The following WDR36 variants were observed in gnomAD, a reference collection of about 807,000 sequenced individuals.
The protein encoded by WDR36 is WD repeat-containing protein 36.
WDR36 carries 63 observed loss-of-function variants against 112.7 expected under a neutral mutation model. The observed-to-expected ratio is 0.56, with a 90% confidence interval of 0.46 to 0.69. The LOEUF is 0.69. Among genes scored for constraint, WDR36 ranks in the 30% least tolerant of loss-of-function variants. The pLI, the probability that WDR36 is intolerant of heterozygous loss-of-function variation, is 0.00. For missense variants in WDR36, 1,226 were observed against 1,070.3 expected, an observed-to-expected ratio of 1.15 and a Z score of -2.03; for synonymous variants, 410 against 362.2, an observed-to-expected ratio of 1.13 and a Z score of -1.50.
In WDR36 at chr5:111,113,082, T is replaced by G. The variant is rs756259905; in HGVS notation, c.1725T>G (p.Ser575Arg). 2 of 1,448,164 alleles carry G rather than the reference T, an allele frequency of 1.4e-6. No homozygotes were observed. The highest frequency in any genetic ancestry group is 1.8e-6 in the Non-Finnish European group (2 of 1,084,628). 89.7% of individuals were successfully genotyped at this position (1,448,164 alleles called of 1,614,324 possible). A position where few individuals can be genotyped will look rare whatever the true frequency, so the allele number is the denominator to read the frequency against. Residue 575 changes from serine to arginine, a missense_variant, in exon 16 of 23, where the codon AGT becomes AGG. Transcript: ENST00000513710. The part of the protein sequence containing the change: ...HQGQINDMAF[S>R]PDGRWLISAA... ...TTTTTTTTAATTTAAAGGCTTTTAGTCCTGATGGTCGTTGGTTAATAAGTG... is the reference window on the plus strand; with the variant it reads ...TTTTTTTTAATTTAAAGGCTTTTAGGCCTGATGGTCGTTGGTTAATAAGTG...
chr5:111,122,223 T>TA (rs941020494), intron 19 of WDR36, among the ~76,000 whole-genome samples: 11 of 152,130 alleles, frequency 7.2e-5, no homozygotes, highest in African/African-American at 2.4e-4. Flanking sequence ...TGCAAGGCAT[T>TA]AATAAGTACA....
In WDR36 at chr5:111,127,730, G is replaced by C. The variant is rs1294230795; in HGVS notation, c.*847G>C. Reference sequence around the variant, plus strand: ...AAACTGATACCAAGGATAGGTAAGGGAAATTCCAAATTCCATTGGAAGATG... The same window carrying C: ...AAACTGATACCAAGGATAGGTAAGGCAAATTCCAAATTCCATTGGAAGATG... On this transcript the variant is annotated 3_prime_UTR_variant, in exon 23 of 23. Coordinates refer to ENST00000513710, the MANE Select transcript of WDR36 (RefSeq NM_139281.3). 1 of 210,942 alleles carries C rather than the reference G, an allele frequency of 4.7e-6. No individual in the cohort carries two copies. The highest frequency in any genetic ancestry group is 9.6e-6 in the Non-Finnish European group (1 of 103,994). 13.1% of individuals were successfully genotyped at this position (210,942 alleles called of 1,614,324 possible).
At chr5:111,111,479 G>C in intron 15 of WDR36, 1 of 516,626 alleles carries the variant, frequency 1.9e-6, no homozygotes, top group Non-Finnish European at 3.5e-6. Context: ...TAAAGTATAA[G>C]TTTTAGAACT....
In WDR36 at chr5:111,104,182, C is replaced by T. The variant is rs202206464; in HGVS notation, c.736C>T (p.His246Tyr). The change falls in exon 8 of 23, where the codon CAT becomes TAT. Residue 246 changes from histidine (H) to tyrosine (Y), a missense_variant. Coordinates refer to ENST00000513710, the MANE Select transcript of WDR36 (RefSeq NM_139281.3). Reference sequence around the variant, plus strand: ...GTATTTTATTTTAATAACAGATGGTCATCCAGTAATGGCAGCTGGAAGCCC... The same window carrying T: ...GTATTTTATTTTAATAACAGATGGTTATCCAGTAATGGCAGCTGGAAGCCC... ...ITSISFRTDG[H>Y]PVMAAGSPCG... 5.6e-6 allele frequency: 9 copies of T among 1,610,578 alleles called. No individual in the cohort carries two copies. Among genetic ancestry groups the T allele is most frequent in the African/African-American group, 1.3e-5 (1 of 74,826 alleles).
At position 111,127,475 on chromosome 5, in the gene WDR36, T is replaced by C. The variant is rs935097507; in HGVS notation, c.*592T>C. 2 of 206,014 alleles carry C rather than the reference T, an allele frequency of 9.7e-6. No individual in the cohort carries two copies. Among genetic ancestry groups the C allele is most frequent in the South Asian group, 3.8e-4 (2 of 5,304 alleles). 12.8% of individuals were successfully genotyped at this position (206,014 alleles called of 1,614,324 possible). A position where few individuals can be genotyped will look rare whatever the true frequency, so the allele number is the denominator to read the frequency against. ...TCCTCGGTGGCCTTTGATAAAAATA[T>C]GAATGATTGACTCTCAGAGTTGGAG... On this transcript the variant is annotated 3_prime_UTR_variant, in exon 23 of 23. Transcript: ENST00000513710.
At chr5:111,113,850 C>G (rs964804454) in intron 16 of WDR36, among the ~76,000 whole-genome samples, 1 of 152,048 alleles carries the variant, frequency 6.6e-6, no homozygotes, top group African/African-American at 2.4e-5. Flanking sequence ...ATAAAGCCAC[C>G]AGTTTCCCTT....
chr5:111,098,943 G>A (rs1414704489), intron 4 of WDR36, 104 bp downstream of exon 4: 2 of 838,198 alleles, frequency 2.4e-6, no homozygotes, highest in Non-Finnish European at 3.9e-6. Context: ...CCTGTAAATA[G>A]TAAGAAATTA....
Position 111,105,302 on chromosome 5 carries a change from T to A in WDR36, c.1035T>A (p.Asp345Glu). The change falls in exon 10 of 23, where the codon GAT becomes GAA. Residue 345 changes from aspartate (D) to glutamate (E), a missense_variant. Asp to Glu is a conservative substitution (Grantham distance 45). Coordinates refer to ENST00000513710, the MANE Select transcript of WDR36 (RefSeq NM_139281.3). The part of the protein sequence containing the change: ...NGQQILSASQ[D>E]GTLQSFSTVH... ...TTCTGTGTATATCAACAGGTCAAGA[T>A]GGAACTCTTCAGTCATTTTCCACGG... 1 of 1,609,918 alleles carries A rather than the reference T, an allele frequency of 6.2e-7. No individual in the cohort carries two copies. Among genetic ancestry groups the A allele is most frequent in the Non-Finnish European group, 8.5e-7 (1 of 1,177,132 alleles).
In WDR36 at chr5:111,130,265, C is replaced by A. The variant is rs567232581; in HGVS notation, c.*3382C>A. The A allele has an allele frequency of 2.0e-5, 4 of 199,748 alleles. No homozygotes were observed. The South Asian group carries it at 7.7e-4, about 38-fold the overall frequency. 12.4% of individuals were successfully genotyped at this position (199,748 alleles called of 1,614,324 possible). ...CATGGGACCTATGCATATGAAAAGT[C>A]GGTCCTTGTATTTGAGGGTTTTGCA... On this transcript the variant is annotated 3_prime_UTR_variant, in exon 23 of 23. Coordinates refer to ENST00000513710, the MANE Select transcript of WDR36 (RefSeq NM_139281.3).
intron 3 of WDR36, among the ~76,000 whole-genome samples, chr5:111,097,494 G>T (rs1251908017): frequency 6.6e-6 from 1 of 152,150 alleles, no homozygotes; most frequent in Admixed American, 6.5e-5. Context: ...AGGACATAAT[G>T]TGTATTATTA....
intron 15 of WDR36, 71 bp downstream of exon 15, chr5:111,111,349 C>G: frequency 8.3e-7 from 1 of 1,202,586 alleles, no homozygotes; most frequent in Non-Finnish European, 1.2e-6. Flanking sequence ...CCTTTAATAG[C>G]CTTAAAATCA....
rs1219885376 is a variant in WDR36, at chr5:111,113,050, A to T, written c.1717-24A>T. ...ATATATAAATAATATATATATATAT[A>T]TATTTTTTTTTTTTAATTTAAAGGC... On this transcript the variant is annotated intron_variant, in intron 15 of 22. Transcript: ENST00000513710. 266 of 467,262 alleles carry T rather than the reference A, an allele frequency of 5.7e-4. 1 individual carries two copies. The African/African-American group carries it at 6.9e-3, about 12-fold the overall frequency. The allele number at this position is 467,262 out of a possible 1,614,324, so 28.9% of individuals were successfully genotyped here.
At position 111,110,183 on chromosome 5, in the gene WDR36, T is replaced by C. The variant is rs548153306; in HGVS notation, c.1327-6T>C. 7.7e-5 allele frequency: 123 copies of C among 1,604,278 alleles called. 1 individual carries two copies. The South Asian group carries it at 1.3e-3, about 17-fold the overall frequency. On this transcript the variant is annotated splice_polypyrimidine_tract_variant and splice_region_variant and intron_variant, in intron 12 of 22. Transcript: ENST00000513710. ...TTTTGTCATTTGTGGGTTTTTTTTC[T>C]TAAAGGCAGTGGATATAACTTCTTG... is the stretch of plus-strand genomic sequence containing the variant.
Position 111,097,132 on chromosome 5 carries a change from T to A in WDR36, c.244T>A (p.Phe82Ile). 1.2e-6 allele frequency: 2 copies of A among 1,613,860 alleles called. No homozygotes were observed. Among genetic ancestry groups the A allele is most frequent in the South Asian group, 2.2e-5 (2 of 91,080 alleles). The change falls in exon 3 of 23, where the codon TTT becomes ATT. Residue 82 changes from phenylalanine to isoleucine, a missense_variant. Coordinates refer to ENST00000513710, the MANE Select transcript of WDR36 (RefSeq NM_139281.3). ...TATGGCAGCTGATGGCAGATTAGTC[T>A]TTGCTGCTTATGGAAATGTTTTCTC... The part of the protein sequence containing the change: ...CCMAADGRLV[F>I]AAYGNVFSAF...
chr5:111,109,322 TAA>T (rs1753279813), intron 12 of WDR36, among the ~76,000 whole-genome samples: 1 of 151,440 alleles, frequency 6.6e-6, no homozygotes, highest in South Asian at 2.1e-4. Context: ...ATTTCCCATC[TAA>T]AATACTTTTT....
At position 111,111,287 on chromosome 5, in the gene WDR36, A is replaced by G; in HGVS notation, c.1716+9A>G. Reference sequence around the variant, plus strand: ...GCCAAATAAATGACATGGTAAAACAAACTCTAACTAATAAAACTTGACTCA... The same window carrying G: ...GCCAAATAAATGACATGGTAAAACAGACTCTAACTAATAAAACTTGACTCA... On this transcript the variant is annotated intron_variant, in intron 15 of 22. Transcript: ENST00000513710. 1 of 1,600,760 alleles carries G rather than the reference A, an allele frequency of 6.2e-7. No homozygotes were observed. The highest frequency in any genetic ancestry group is 8.6e-7 in the Non-Finnish European group (1 of 1,168,314).
intron 5 of WDR36, among the ~76,000 whole-genome samples, chr5:111,101,397 G>A (rs1353651471): frequency 6.6e-6 from 1 of 151,778 alleles, no homozygotes; most frequent in Admixed American, 6.6e-5. Context: ...CATACATGAA[G>A]ATTTTCTATA....
intron 3 of WDR36, among the ~76,000 whole-genome samples, chr5:111,097,629 G>C (rs1580390343): frequency 6.6e-6 from 1 of 152,194 alleles, no homozygotes; most frequent in Non-Finnish European, 1.5e-5. Flanking sequence ...CCTGTTCGCT[G>C]TTTAGAGAAA....
At chr5:111,097,308 A>G in intron 3 of WDR36, 129 bp downstream of exon 3, 1 of 703,422 alleles carries the variant, frequency 1.4e-6, no homozygotes, top group Admixed American at 2.2e-5. Flanking sequence ...TTTCTAATGT[A>G]TATTCAGTTT....
Sources: gnomAD v4.1 joint callset for allele counts (sites outside exome capture counted in the v4.1 genomes callset) on GRCh38, gnomAD v4.1.1 for gene constraint, MANE v1.5 for transcripts, NCBI Gene and HGNC (gene_info 2026-07-23, HGNC 2026-07-21) for gene names.